Variants in ALPK2 observed in about 807,000 individuals in gnomAD.
ALPK2 encodes the protein alpha kinase 2, also known as alpha-protein kinase 2.
Under a neutral mutation model 163.1 loss-of-function variants are expected in ALPK2, and 127 were observed. The observed-to-expected ratio is 0.78, with a 90% CI of 0.67 to 0.90. The LOEUF (loss-of-function observed/expected upper bound fraction) is 0.90. Among genes scored for constraint, ALPK2 ranks in the 40% least tolerant of loss-of-function variants. The pLI is 0.00. For synonymous variants in ALPK2, 953 were observed against 959.1 expected, an observed-to-expected ratio of 0.99 and a Z score of 0.12; for missense variants, 2,360 against 2,589.6, an observed-to-expected ratio of 0.91 and a Z score of 1.92.
intron 9 of ALPK2, 87 bp downstream of exon 9, chr18:58,516,821 C>T (rs2051523870): frequency 7.0e-7 from 1 of 1,434,690 alleles, no homozygotes; most frequent in African/African-American, 1.4e-5. Flanking sequence ...GAAGATATTC[C>T]CATCAATCCT....
intron 9 of ALPK2, 132 bp from the exon 10 acceptor site, chr18:58,515,213 G>T: frequency 1.7e-6 from 1 of 599,542 alleles, no homozygotes; most frequent in Non-Finnish European, 2.7e-6. Flanking sequence ...CCTGGTTGGG[G>T]TCACAGAGGC....
chr18:58,618,207 G>A (rs1043372488), intron 1 of ALPK2, among the ~76,000 whole-genome samples: 2 of 152,196 alleles, frequency 1.3e-5, no homozygotes, highest in East Asian at 3.9e-4. Context: ...CACCATGCCT[G>A]GCTAATTTTT....
intron 6 of ALPK2, among the ~76,000 whole-genome samples, chr18:58,525,967 G>GA (rs10653750): frequency 0.023 from 2,738 of 117,706 alleles, 51 homozygotes; most frequent in Middle Eastern, 0.025. Context: ...TGATGAAAAA[G>GA]AAAAAAAAAA....
chr18:58,493,429 T>C (rs1214652142), intron 12 of ALPK2, among the ~76,000 whole-genome samples: 8 of 152,170 alleles, frequency 5.3e-5, no homozygotes, highest in Admixed American at 5.2e-4. Context: ...AAGTTTGTTT[T>C]GGCGCTTCCT....
intron 4 of ALPK2, among the ~76,000 whole-genome samples, chr18:58,541,125 G>A (rs866287281): frequency 1.2e-4 from 19 of 152,310 alleles, no homozygotes; most frequent in South Asian, 4.1e-4. Context: ...CTGAGACTGG[G>A]TAATTTATAA....
chr18:58,613,282 T>C (rs1482755319), intron 1 of ALPK2, among the ~76,000 whole-genome samples: 1 of 152,136 alleles, frequency 6.6e-6, no homozygotes, highest in Non-Finnish European at 1.5e-5. Flanking sequence ...TGAGGAGCCT[T>C]GCTGTAGTAG....
At chr18:58,516,162 T>C (rs1458613426) in intron 9 of ALPK2, among the ~76,000 whole-genome samples, 1 of 150,972 alleles carries the variant, frequency 6.6e-6, no homozygotes, top group East Asian at 1.9e-4. Flanking sequence ...GAGACTGCTG[T>C]GGAGCCGTGA....
At position 58,535,371 on chromosome 18, in the gene ALPK2, T is replaced by C; in HGVS notation, c.4816A>G (p.Thr1606Ala). The stretch of plus-strand genomic sequence containing the variant: ...GGAGATGAAGTACAAGGGAACCTGG[T>C]AAGATCAGGAGAAGAGGGCAAAGGT... Reference protein sequence around the residue: ...GKPLPSSPDLTRFPCTSSPEG... With the variant: ...GKPLPSSPDLARFPCTSSPEG... Residue 1606 changes from threonine to alanine, a missense_variant, in exon 5 of 13, where the codon ACC becomes GCC. Physicochemically the swap from Thr to Ala is moderately conservative, Grantham distance 58. Transcript: ENST00000361673. The C allele has an allele frequency of 6.2e-7, 1 of 1,614,194 alleles. No individual in the cohort carries two copies. Among genetic ancestry groups the C allele is most frequent in the Non-Finnish European group, 8.5e-7 (1 of 1,180,022 alleles).
intron 4 of ALPK2, 81 bp downstream of exon 4, chr18:58,578,733 G>GACGCACACACGCGCGCGCGCGCACAC: frequency 2.1e-6 from 1 of 474,476 alleles, no homozygotes; most frequent in South Asian, 3.1e-5. Flanking sequence ...TAAAGGAAGA[G>GACGCACACACGCGCGCGCGCGCACAC]ACACACACAC....
chr18:58,612,276 A>C (rs542219840), intron 1 of ALPK2, among the ~76,000 whole-genome samples: 1 of 152,148 alleles, frequency 6.6e-6, no homozygotes, highest in Non-Finnish European at 1.5e-5. Flanking sequence ...TCTCTTCTTA[A>C]AGTCTTTTCA....
intron 4 of ALPK2, among the ~76,000 whole-genome samples, chr18:58,572,440 T>C (rs1014061048): frequency 9.9e-5 from 15 of 152,226 alleles, no homozygotes; most frequent in African/African-American, 3.6e-4. Context: ...CATAAAAGTC[T>C]GTATATAAAT....
chr18:58,499,614 G>T (rs556399534), intron 11 of ALPK2, among the ~76,000 whole-genome samples: 318 of 152,314 alleles, frequency 2.1e-3, no homozygotes, highest in Non-Finnish European at 3.6e-3. Flanking sequence ...CCTCTGCCAG[G>T]ACCTTACCCG....
Position 58,534,899 on chromosome 18 carries a change from G to T in ALPK2, c.5288C>A (p.Thr1763Lys), listed in dbSNP as rs1213896697. 12 of 1,613,988 alleles carry T rather than the reference G, an allele frequency of 7.4e-6. No individual in the cohort carries two copies. Among genetic ancestry groups the T allele is most frequent in the Admixed American group, 3.3e-5 (2 of 59,998 alleles). The change falls in exon 5 of 13, where the codon ACA becomes AAA. Residue 1763 changes from threonine (T) to lysine (K), a missense_variant. Transcript: ENST00000361673. ...AFLKKMPKLE[T>K]SLSHTEEKQD... ...TTTCTCTTCTGTGTGTGATAATGAT[G>T]TTTCGAGTTTGGGCATCTTTTTAAG...
At chr18:58,504,187 T>C in intron 10 of ALPK2, 39 bp from the exon 11 acceptor site, 1 of 1,545,000 alleles carries the variant, frequency 6.5e-7, no homozygotes, top group East Asian at 2.2e-5. Context: ...TCAAGGTCTC[T>C]ACTGGGAAGA....
intron 3 of ALPK2, among the ~76,000 whole-genome samples, chr18:58,582,491 G>A (rs1490998253): frequency 9.2e-5 from 14 of 151,370 alleles, no homozygotes; most frequent in Non-Finnish European, 1.9e-4. Flanking sequence ...TTAGGGCTCC[G>A]CCATTCAAGC....
rs2051943590 is a variant in ALPK2 at position 58,579,500 on chromosome 18, G to A, written c.1276C>T (p.Gln426Ter). ...RVSKHGPSSP[Q>*]TGMTLILGPH... ...CCCAAAATGAGAGTCATCCCTGTTT[G>A]TGGGGATGAGGGACCGTGCTTGGAG... The change falls in exon 4 of 13, where the codon CAA becomes TAA. Residue 426 changes from glutamine (Q) to a stop codon, truncating the protein, a stop_gained. Transcript: ENST00000361673. LOFTEE classifies it high-confidence loss of function. 1 of 1,614,008 alleles carries A rather than the reference G, an allele frequency of 6.2e-7. No individual in the cohort carries two copies. The highest frequency in any genetic ancestry group is 1.7e-5 in the Admixed American group (1 of 59,982).
At chr18:58,488,915 C>T (rs1167874103) in intron 12 of ALPK2, among the ~76,000 whole-genome samples, 2 of 152,174 alleles carry the variant, frequency 1.3e-5, no homozygotes, top group African/African-American at 4.8e-5. Context: ...GAGTGCCACT[C>T]ATACCCTTCA....
At chr18:58,502,335 A>G (rs1184855096) in intron 11 of ALPK2, among the ~76,000 whole-genome samples, 1 of 152,140 alleles carries the variant, frequency 6.6e-6, no homozygotes, top group East Asian at 1.9e-4. Context: ...AGCCTGGGTG[A>G]CAGAGTGACA....
chr18:58,500,674 CGGCACTTTGG>C (rs537251295), intron 11 of ALPK2, among the ~76,000 whole-genome samples: 1 of 152,140 alleles, frequency 6.6e-6, no homozygotes, highest in African/African-American at 2.4e-5. Flanking sequence ...CCTGTAATCC[CGGCACTTTGG>C]GAGGCCCAGG....
Sources: allele counts gnomAD v4.1 joint callset (sites outside exome capture counted in the v4.1 genomes callset), GRCh38; gene constraint gnomAD v4.1.1; transcripts MANE v1.5; gene names NCBI Gene and HGNC (gene_info 2026-07-23, HGNC 2026-07-21).